AGMO: variants seen among roughly 807,000 people sequenced by gnomAD.
AGMO encodes the protein alkylglycerol monooxygenase.
Under a neutral mutation model 60.2 loss-of-function variants are expected in AGMO, and 75 were observed. That is an observed-to-expected ratio of 1.25 (90% confidence interval 1.03 to 1.51). The LOEUF is 1.51. AGMO is among the 40% of genes most tolerant of loss of function. The probability of loss-of-function intolerance (pLI) is 0.00; values close to 1 mark genes in which losing one functional copy is unlikely to be tolerated. For missense variants in AGMO, 763 were observed against 525.5 expected, an observed-to-expected ratio of 1.45 and a Z score of -4.42; for synonymous variants, 261 against 177.1, an observed-to-expected ratio of 1.47 and a Z score of -3.76.
Position 15,340,165 on chromosome 7 carries a change from C to T in AGMO, c.1263+25349G>A, listed in dbSNP as rs561706415. Reference sequence around the variant, plus strand: ...TCAAAATTCATTTATGCTATATACACGTTATACACATAGCCTGAAGGTAAT... The same window carrying T: ...TCAAAATTCATTTATGCTATATACATGTTATACACATAGCCTGAAGGTAAT... On this transcript the variant is annotated intron_variant, in intron 12 of 12. Coordinates refer to ENST00000342526, the MANE Select transcript of AGMO (RefSeq NM_001004320.2). Among the ~76,000 whole-genome samples the T allele has an allele frequency of 9.9e-5, 15 of 152,212 alleles. No individual in the cohort carries two copies. The East Asian group carries it at 1.7e-3, about 18-fold the overall frequency.
At chr7:15,129,047 C>G in the AGMO span, among the ~76,000 whole-genome samples, 1 of 152,028 alleles carries the variant, frequency 6.6e-6, no homozygotes, top group Admixed American at 6.6e-5. Flanking sequence ...GTGGGGCATC[C>G]TATGTGATTA....
intron 12 of AGMO, among the ~76,000 whole-genome samples, chr7:15,299,875 AC>A (rs767574429): frequency 0.052 from 7,325 of 139,960 alleles, 596 homozygotes; most frequent in African/African-American, 0.17. Flanking sequence ...ACACACACAC[AC>A]ACACACACAC....
intron 12 of AGMO, among the ~76,000 whole-genome samples, chr7:15,284,830 T>C (rs550055015): frequency 7.9e-5 from 12 of 151,958 alleles, no homozygotes; most frequent in African/African-American, 2.4e-4. Context: ...AAATCCTCAA[T>C]AGAATACTAG....
chr7:15,317,958 A>C (rs1780988797), intron 12 of AGMO, among the ~76,000 whole-genome samples: 1 of 142,116 alleles, frequency 7.0e-6, no homozygotes, highest in Non-Finnish European at 1.5e-5. Context: ...CACACACTAT[A>C]TATATATATA....
intron 5 of AGMO, among the ~76,000 whole-genome samples, chr7:15,406,309 A>G (rs1047094056): frequency 4.8e-5 from 7 of 145,602 alleles, no homozygotes; most frequent in Non-Finnish European, 9.0e-5. Flanking sequence ...TGGAATATAC[A>G]TATATATGTG....
chr7:15,451,709 A>C (rs1341052344), intron 3 of AGMO, among the ~76,000 whole-genome samples: 1 of 152,202 alleles, frequency 6.6e-6, no homozygotes, highest in Non-Finnish European at 1.5e-5. Context: ...GCCGAATTAA[A>C]TTTAAAGGAG....
chr7:15,434,842 G>A (rs372087468), intron 3 of AGMO, among the ~76,000 whole-genome samples: 3 of 151,872 alleles, frequency 2.0e-5, no homozygotes, highest in Non-Finnish European at 2.9e-5. Flanking sequence ...TAATGCAGTC[G>A]TCAAAAATCC....
intron 12 of AGMO, among the ~76,000 whole-genome samples, chr7:15,245,626 C>T (rs1437530538): frequency 6.6e-6 from 1 of 151,964 alleles, no homozygotes; most frequent in African/African-American, 2.4e-5. Context: ...TTGGGAGTTT[C>T]ATATACATGT....
intron 8 of AGMO, among the ~76,000 whole-genome samples, chr7:15,389,257 T>G (rs949889504): frequency 6.6e-6 from 1 of 152,106 alleles, no homozygotes; most frequent in Non-Finnish European, 1.5e-5. Flanking sequence ...CTGATTCACA[T>G]GAACATTAAG....
the AGMO span, among the ~76,000 whole-genome samples, chr7:15,136,771 G>T: frequency 3.0e-4 from 45 of 151,974 alleles, no homozygotes; most frequent in Middle Eastern, 3.4e-3. Context: ...GTGTGCACGC[G>T]TGCGTATTTA....
intron 12 of AGMO, among the ~76,000 whole-genome samples, chr7:15,253,711 T>A (rs553728075): frequency 1.3e-5 from 2 of 152,086 alleles, no homozygotes; most frequent in Non-Finnish European, 2.9e-5. Context: ...ATACTGAAAA[T>A]TCTCTCTTCT....
the AGMO span, among the ~76,000 whole-genome samples, chr7:15,173,090 C>T: frequency 6.6e-6 from 1 of 152,030 alleles, no homozygotes; most frequent in Non-Finnish European, 1.5e-5. Flanking sequence ...AAATATGTTA[C>T]ATAAATCTAT....
chr7:15,289,498 G>C (rs187916662), intron 12 of AGMO, among the ~76,000 whole-genome samples: 1 of 151,884 alleles, frequency 6.6e-6, no homozygotes, highest in East Asian at 1.9e-4. Flanking sequence ...CCATTTCTTA[G>C]GTAATACATG....
At chr7:15,304,363 T>C (rs955004056) in intron 12 of AGMO, among the ~76,000 whole-genome samples, 7 of 152,062 alleles carry the variant, frequency 4.6e-5, no homozygotes, top group African/African-American at 1.7e-4. Flanking sequence ...AGCAAACAGC[T>C]GTGGAAGGGA....
At chr7:15,430,316 C>T (rs567424159) in intron 4 of AGMO, among the ~76,000 whole-genome samples, 1 of 151,860 alleles carries the variant, frequency 6.6e-6, no homozygotes, top group Admixed American at 6.6e-5. Flanking sequence ...GTTACTCTGA[C>T]TTTCTAGCTC....
Position 15,495,740 on chromosome 7 carries a change from C to T in AGMO, c.409+49032G>A, listed in dbSNP as rs139090162. On this transcript the variant is annotated intron_variant, in intron 3 of 12. Transcript: ENST00000342526. ...TAGCAGATTTGGTTGCTAGTAAGGC[C>T]TTCTTCCTGGCTCATAGACAGCCAG... 7.0e-3 allele frequency among the ~76,000 whole-genome samples: 1,069 copies of T among 152,022 alleles called. 9 individuals are homozygous for T. Among genetic ancestry groups the T allele is most frequent in the African/African-American group, 0.024 (1,006 of 41,480 alleles).
intron 3 of AGMO, among the ~76,000 whole-genome samples, chr7:15,538,335 T>A (rs1043506316): frequency 1.3e-5 from 2 of 152,074 alleles, no homozygotes; most frequent in Non-Finnish European, 2.9e-5. Flanking sequence ...TGGGCTCAGG[T>A]GATCTTACTG....
At chr7:15,390,371 C>G (rs906149920) in intron 8 of AGMO, among the ~76,000 whole-genome samples, 3 of 152,126 alleles carry the variant, frequency 2.0e-5, no homozygotes, top group African/African-American at 7.2e-5. Context: ...ACTATTGCTC[C>G]TACTGAATAC....
intron 3 of AGMO, among the ~76,000 whole-genome samples, chr7:15,447,560 C>CT (rs1406178442): frequency 6.6e-5 from 10 of 150,916 alleles, no homozygotes; most frequent in South Asian, 2.1e-4. Context: ...TTTCTTTTTT[C>CT]TTTTTTTTTA....
Sources: gnomAD v4.1 joint callset for allele counts (sites outside exome capture counted in the v4.1 genomes callset) on GRCh38, gnomAD v4.1.1 for gene constraint, MANE v1.5 for transcripts, NCBI Gene and HGNC (gene_info 2026-07-23, HGNC 2026-07-21) for gene names.